The following NOX4 variants were observed in gnomAD, a reference collection of about 807,000 sequenced individuals.
NOX4 encodes NADPH oxidase 4, also known as kidney oxidase-1.
A neutral mutation model predicts 87.6 loss-of-function variants in NOX4; 69 were observed. The ratio of observed to expected loss-of-function variants is 0.79; its 90% CI spans 0.65 to 0.96. The LOEUF (loss-of-function observed/expected upper bound fraction) is 0.96. Ranked by LOEUF, NOX4 falls within the 40% of genes least tolerant of loss-of-function variation. NOX4 has a pLI of 0.00. For missense variants in NOX4, 680 were observed against 681.5 expected, an observed-to-expected ratio of 1.00 and a Z score of 0.02; for synonymous variants, 275 against 238.2, an observed-to-expected ratio of 1.15 and a Z score of -1.42.
At chr11:89,445,238 G>C (rs896944039) in intron 4 of NOX4, among the ~76,000 whole-genome samples, 8 of 152,046 alleles carry the variant, frequency 5.3e-5, no homozygotes, top group African/African-American at 1.4e-4. Context: ...AATATGTGTA[G>C]TGCAATGGTT....
the NOX4 span, among the ~76,000 whole-genome samples, chr11:89,543,998 C>T: frequency 1.3e-5 from 2 of 152,034 alleles, no homozygotes; most frequent in South Asian, 4.2e-4. Flanking sequence ...TTATGTAATC[C>T]TGTGCTCTTT....
chr11:89,563,116 C>T, the NOX4 span, among the ~76,000 whole-genome samples: 1 of 152,132 alleles, frequency 6.6e-6, no homozygotes, highest in Non-Finnish European at 1.5e-5. Flanking sequence ...GTCAATTTAA[C>T]CTCTTTTGTT....
intron 17 of NOX4, among the ~76,000 whole-genome samples, chr11:89,328,001 C>A (rs1474858965): frequency 6.6e-6 from 1 of 152,202 alleles, no homozygotes; most frequent in African/African-American, 2.4e-5. Context: ...CACCGTCACT[C>A]TCTTTGCTTA....
At chr11:89,349,287 A>AAAAAT (rs59263677) in intron 13 of NOX4, among the ~76,000 whole-genome samples, 5,177 of 149,494 alleles carry the variant, frequency 0.035, 103 homozygotes, top group Admixed American at 0.047. Flanking sequence ...ACTCTGTCTA[A>AAAAAT]AAAATAAAAT....
chr11:89,521,620 GA>G, the NOX4 span, among the ~76,000 whole-genome samples: 92 of 147,770 alleles, frequency 6.2e-4, no homozygotes, highest in South Asian at 2.6e-3. Flanking sequence ...ATCAGCCTTG[GA>G]AAAAAAAAAT....
chr11:89,403,052 G>T (rs539998336), intron 8 of NOX4, among the ~76,000 whole-genome samples: 1 of 152,212 alleles, frequency 6.6e-6, no homozygotes, highest in South Asian at 2.1e-4. Context: ...TCTCTCCTAT[G>T]GTCTGAAAAC....
intron 11 of NOX4, among the ~76,000 whole-genome samples, chr11:89,375,972 A>G (rs1435913295): frequency 6.6e-6 from 1 of 152,190 alleles, no homozygotes; most frequent in Admixed American, 6.5e-5. Context: ...TAAAATACAT[A>G]TTTTGCCAAA....
chr11:89,369,841 T>C lies in NOX4; in HGVS notation c.1135+3591A>G, dbSNP rs191271557. 6.1e-3 allele frequency among the ~76,000 whole-genome samples: 920 copies of C among 152,004 alleles called. 10 individuals are homozygous for C. Among genetic ancestry groups the C allele is most frequent in the African/African-American group, 0.021 (885 of 41,504 alleles). On this transcript the variant is annotated intron_variant, in intron 12 of 17. Coordinates refer to ENST00000263317, the MANE Select transcript of NOX4 (RefSeq NM_016931.5). ...TCTAGTGCAAGGTGGTTGATGTAAT[T>C]GGCCTAAAATATGTTGTCATAATAA...
At chr11:89,565,456 C>T in the NOX4 span, among the ~76,000 whole-genome samples, 1 of 152,024 alleles carries the variant, frequency 6.6e-6, no homozygotes, top group Non-Finnish European at 1.5e-5. Context: ...CATTTTATTG[C>T]TTTCTTTCAA....
chr11:89,399,908 A>C, intron 11 of NOX4, 109 bp downstream of exon 11: 1 of 648,770 alleles, frequency 1.5e-6, no homozygotes, highest in Non-Finnish European at 2.6e-6. Flanking sequence ...TTAAACATCA[A>C]GAGTACTATG....
the NOX4 span, among the ~76,000 whole-genome samples, chr11:89,515,824 G>A: frequency 1.3e-5 from 2 of 151,942 alleles, no homozygotes; most frequent in African/African-American, 4.8e-5. Flanking sequence ...TTGAAAATCA[G>A]TTGACCATAT....
rs958672256 is a variant in NOX4 at position 89,416,842 on chromosome 11, C to G, written c.629+5060G>C. ...AATCATGCTCTATGATTAACTCTTG[C>G]TAACAAGTAGTGCCAAATGGCAAAG... On this transcript the variant is annotated intron_variant, in intron 8 of 17. Transcript: ENST00000263317. 5.3e-5 allele frequency among the ~76,000 whole-genome samples: 8 copies of G among 152,248 alleles called. No individual in the cohort carries two copies. In the South Asian group the frequency reaches 8.3e-4, roughly 16 times the overall value.
At chr11:89,376,548 G>T (rs1490436462) in intron 11 of NOX4, among the ~76,000 whole-genome samples, 1 of 152,122 alleles carries the variant, frequency 6.6e-6, no homozygotes, top group Non-Finnish European at 1.5e-5. Flanking sequence ...CAGTTAAAAA[G>T]TTACAGTATA....
chr11:89,356,482 G>A (rs759488837), intron 12 of NOX4, among the ~76,000 whole-genome samples: 7 of 152,054 alleles, frequency 4.6e-5, no homozygotes, highest in African/African-American at 7.2e-5. Context: ...AAATACTTAC[G>A]TTGCATAGCT....
chr11:89,424,231 A>C (rs1235018505), intron 7 of NOX4, among the ~76,000 whole-genome samples: 2 of 151,776 alleles, frequency 1.3e-5, no homozygotes, highest in African/African-American at 4.8e-5. Flanking sequence ...TATTTTATTC[A>C]ATTTTTCAAA....
chr11:89,473,796 G>T (rs11018629), intron 2 of NOX4, among the ~76,000 whole-genome samples: 1 of 151,866 alleles, frequency 6.6e-6, no homozygotes, highest in Non-Finnish European at 1.5e-5. Flanking sequence ...GAATGAAGTC[G>T]ACTCTCTTCC....
the NOX4 span, among the ~76,000 whole-genome samples, chr11:89,588,050 C>T: frequency 6.6e-6 from 1 of 152,102 alleles, no homozygotes; most frequent in South Asian, 2.1e-4. Context: ...TAGGATCCCA[C>T]ATGATTATAA....
At chr11:89,474,149 C>T (rs964529239) in intron 2 of NOX4, among the ~76,000 whole-genome samples, 26 of 151,988 alleles carry the variant, frequency 1.7e-4, no homozygotes, top group African/African-American at 6.3e-4. Flanking sequence ...ATTACTTTTG[C>T]GCCAACCTAT....
At chr11:89,361,456 G>A (rs537589984) in intron 12 of NOX4, among the ~76,000 whole-genome samples, 5 of 151,958 alleles carry the variant, frequency 3.3e-5, no homozygotes, top group African/African-American at 7.3e-5. Context: ...ACTCTGGAGC[G>A]GGAATGTTAG....
Sources: allele counts gnomAD v4.1 joint callset (sites outside exome capture counted in the v4.1 genomes callset), GRCh38; gene constraint gnomAD v4.1.1; transcripts MANE v1.5; gene names NCBI Gene and HGNC (gene_info 2026-07-23, HGNC 2026-07-21).